THBS4: variants seen among roughly 807,000 people sequenced by gnomAD.
THBS4 encodes thrombospondin-4.
Under a neutral mutation model 115.7 loss-of-function variants are expected in THBS4, and 90 were observed. The observed-to-expected ratio is 0.78, with a 90% CI of 0.66 to 0.93. The LOEUF is 0.93. THBS4 is among the 40% of genes least tolerant of loss of function. THBS4 has a pLI of 0.00. For missense variants in THBS4, 1,087 were observed against 1,232.7 expected, an observed-to-expected ratio of 0.88 and a Z score of 1.77; for synonymous variants, 460 against 479.3, an observed-to-expected ratio of 0.96 and a Z score of 0.53.
chr5:80,018,133 AAT>A (rs1279844280), intron 2 of THBS4, among the ~76,000 whole-genome samples: 2 of 152,028 alleles, frequency 1.3e-5, no homozygotes, highest in Non-Finnish European at 2.9e-5. Flanking sequence ...TTTTCCTTGG[AAT>A]ATTGTCTCTT....
intron 2 of THBS4, among the ~76,000 whole-genome samples, chr5:80,044,115 ATTCT>A (rs1306423367): frequency 6.6e-6 from 1 of 152,226 alleles, no homozygotes; most frequent in African/African-American, 2.4e-5. Flanking sequence ...TCCTTCTGAT[ATTCT>A]TTCTAATATG....
At chr5:80,012,077 A>G (rs1832138436) in intron 2 of THBS4, among the ~76,000 whole-genome samples, 1 of 152,046 alleles carries the variant, frequency 6.6e-6, no homozygotes, top group East Asian at 1.9e-4. Flanking sequence ...ATGACATGCA[A>G]TTTCCCTTTA....
intron 1 of THBS4, among the ~76,000 whole-genome samples, chr5:79,993,130 T>C (rs546130792): frequency 2.6e-5 from 4 of 152,370 alleles, no homozygotes; most frequent in East Asian, 3.9e-4. Flanking sequence ...TTTGGCCTTC[T>C]TCCGTACTGC....
chr5:80,053,681 C>T (rs1833325318), intron 2 of THBS4, among the ~76,000 whole-genome samples: 3 of 152,178 alleles, frequency 2.0e-5, no homozygotes, highest in Admixed American at 6.5e-5. Context: ...CAATTAGCCT[C>T]CGACCTTGTT....
intron 2 of THBS4, among the ~76,000 whole-genome samples, chr5:80,020,946 A>G (rs868032189): frequency 3.9e-5 from 6 of 152,182 alleles, no homozygotes; most frequent in African/African-American, 1.4e-4. Context: ...GTAATATGTA[A>G]TCTTGGCTGG....
chr5:80,003,653 A>C (rs1241250119), intron 2 of THBS4, among the ~76,000 whole-genome samples: 1 of 152,258 alleles, frequency 6.6e-6, no homozygotes, highest in Admixed American at 6.5e-5. Flanking sequence ...AAAAACAATG[A>C]GTATATATGT....
At position 80,078,932 on chromosome 5, in the gene THBS4, T is replaced by C; in HGVS notation, c.2277T>C (p.Ile759=). ...AACTCTCTCTGCAGGGCATGGAGAT[T>C]GTACAGACCATGAACAGTGATCCTG... ...NWVVLNQGME[I]VQTMNSDPGL... Residue 759 remains isoleucine, a synonymous_variant, in exon 18 of 22, where the codon ATT becomes ATC. Coordinates refer to ENST00000350881, the MANE Select transcript of THBS4 (RefSeq NM_003248.6). 1 of 1,614,072 alleles carries C rather than the reference T, an allele frequency of 6.2e-7. No homozygotes were observed. Among genetic ancestry groups the C allele is most frequent in the Non-Finnish European group, 8.5e-7 (1 of 1,179,970 alleles).
In THBS4 at chr5:80,074,626, C is replaced by CTTTT. The variant is rs35937190; in HGVS notation, c.1892+1311_1892+1314dup. 7.7e-5 allele frequency among the ~76,000 whole-genome samples: 11 copies of CTTTT among 142,540 alleles called. No homozygotes were observed. In the East Asian group the frequency reaches 1.6e-3, roughly 21 times the overall value. 93.5% of individuals were successfully genotyped at this position (142,540 alleles called of 152,430 possible). On this transcript the variant is annotated intron_variant, in intron 15 of 21. Transcript: ENST00000350881. ...CCTATGAAGCCACAGCTCTCTCTCTCTTTTTTTTTTTTTTTGAGATGGAGT... is the reference window on the plus strand; with the variant it reads ...CCTATGAAGCCACAGCTCTCTCTCTCTTTTTTTTTTTTTTTTTTTGAGATGGAGT...
At chr5:80,061,280 G>A (rs1264169151) in intron 7 of THBS4, among the ~76,000 whole-genome samples, 1 of 152,176 alleles carries the variant, frequency 6.6e-6, no homozygotes, top group African/African-American at 2.4e-5. Context: ...CACCGGCCCT[G>A]GCTTTGCCTT....
chr5:80,068,191 T>C, intron 10 of THBS4, 66 bp downstream of exon 10: 1 of 1,580,816 alleles, frequency 6.3e-7, no homozygotes, highest in South Asian at 1.1e-5. Context: ...CTCTCTCCAG[T>C]TTCTATGTGC....
At chr5:80,033,694 C>T (rs1832630750), upstream of THBS4, among the ~76,000 whole-genome samples, 1 of 152,356 alleles carries the variant, frequency 6.6e-6, no homozygotes, top group African/African-American at 2.4e-5. Context: ...GCACACTACA[C>T]AAGAACTCTC....
chr5:80,069,537 T>C (rs1386432286), intron 10 of THBS4, among the ~76,000 whole-genome samples: 1 of 152,190 alleles, frequency 6.6e-6, no homozygotes, highest in Non-Finnish European at 1.5e-5. Context: ...TCTTAATATG[T>C]TTTTGAATTT....
At chr5:80,002,745 GAAAA>G (rs56899578) in intron 2 of THBS4, among the ~76,000 whole-genome samples, 1 of 100,384 alleles carries the variant, frequency 1.0e-5, no homozygotes, top group Non-Finnish European at 2.0e-5. Flanking sequence ...CCAGAAGGGA[GAAAA>G]AAAAAAAAAA....
In THBS4 at chr5:80,073,325, C is replaced by G; in HGVS notation, c.1890C>G (p.Asp630Glu). 6.2e-7 allele frequency: 1 copy of G among 1,613,488 alleles called. No homozygotes were observed. The highest frequency in any genetic ancestry group is 8.5e-7 in the Non-Finnish European group (1 of 1,179,818). ...LVGDSCDTNQ[D>E]SDGDGHQDST... ...GGGACTCCTGTGACACCAATCAGGA[C>G]AGGTATGGCATGTCTCCCAACTGCA... is the stretch of plus-strand genomic sequence containing the variant. The change falls in exon 15 of 22, where the codon GAC (aspartate) becomes GAG (glutamate). Residue 630 changes from aspartate (D) to glutamate (E), a missense_variant and splice_region_variant. Transcript: ENST00000350881.
chr5:80,005,657 C>T (rs1197442281), intron 2 of THBS4, among the ~76,000 whole-genome samples: 2 of 151,960 alleles, frequency 1.3e-5, no homozygotes, highest in Non-Finnish European at 2.9e-5. Context: ...GAACCTGATC[C>T]CTCTTCTGCC....
In THBS4 at chr5:80,055,775, T is replaced by A. The variant is rs1180868762; in HGVS notation, c.293-10T>A. 1 of 1,609,320 alleles carries A rather than the reference T, an allele frequency of 6.2e-7. No individual in the cohort carries two copies. The highest frequency in any genetic ancestry group is 1.7e-5 in the Admixed American group (1 of 59,872). On this transcript the variant is annotated splice_polypyrimidine_tract_variant and intron_variant, in intron 2 of 21. Coordinates refer to ENST00000350881, the MANE Select transcript of THBS4 (RefSeq NM_003248.6). ...TATCACACCATTGGTTGACCTGTGCTTGCTTCCAGCCATCCTCCGTTACCT... is the reference window on the plus strand; with the variant it reads ...TATCACACCATTGGTTGACCTGTGCATGCTTCCAGCCATCCTCCGTTACCT...
chr5:80,037,912 T>C (rs997224909), intron 1 of THBS4, among the ~76,000 whole-genome samples: 2 of 152,222 alleles, frequency 1.3e-5, no homozygotes, highest in African/African-American at 4.8e-5. Flanking sequence ...TTTAGGGATA[T>C]AGGCACTAAG....
Position 80,059,489 on chromosome 5 carries a change from G to A in THBS4, c.782G>A (p.Cys261Tyr), listed in dbSNP as rs764951060. The A allele has an allele frequency of 1.9e-6, 3 of 1,614,026 alleles. No homozygotes were observed. Among genetic ancestry groups the A allele is most frequent in the South Asian group, 2.2e-5 (2 of 91,080 alleles). Residue 261 changes from cysteine to tyrosine, a missense_variant and splice_region_variant, in exon 6 of 22, where the codon TGC becomes TAC. Cys to Tyr is a radical substitution (Grantham distance 194). Coordinates refer to ENST00000350881, the MANE Select transcript of THBS4 (RefSeq NM_003248.6). ...AACACCATAGCTGAATGCCAGGCTT[G>A]CGGTAAGTGCTTTTCTAGTAATGGG... is the stretch of plus-strand genomic sequence containing the variant. ...LRNTIAECQA[C>Y]GPLKFQSPTP...
In THBS4 at chr5:80,059,793, C is replaced by G; in HGVS notation, c.875C>G (p.Ser292Cys). 1 of 1,614,210 alleles carries G rather than the reference C, an allele frequency of 6.2e-7. No individual in the cohort carries two copies. Among genetic ancestry groups the G allele is most frequent in the Non-Finnish European group, 8.5e-7 (1 of 1,180,038 alleles). The change falls in exon 7 of 22, where the codon TCC (serine) becomes TGC (cysteine). Residue 292 changes from serine to cysteine, a missense_variant. Transcript: ENST00000350881. ...ACACGCCCACCTCGTCGGTGTGACT[C>G]CAACCCATGTTTCCGAGGTGTCCAA... Reference protein sequence around the residue: ...PPTRPPRRCDSNPCFRGVQCT... With the variant: ...PPTRPPRRCDCNPCFRGVQCT...
Sources: gnomAD v4.1 joint callset for allele counts (sites outside exome capture counted in the v4.1 genomes callset) on GRCh38, gnomAD v4.1.1 for gene constraint, MANE v1.5 for transcripts, NCBI Gene and HGNC (gene_info 2026-07-23, HGNC 2026-07-21) for gene names.